FMN2: variants seen among roughly 807,000 people sequenced by gnomAD.
FMN2 encodes the protein formin 2, also known as formin-2.
Under a neutral mutation model 142.3 loss-of-function variants are expected in FMN2, and 51 were observed. The ratio of observed to expected loss-of-function variants is 0.36; its 90% CI spans 0.29 to 0.45. The LOEUF is 0.45. Ranked by LOEUF, FMN2 falls within the 20% of genes least tolerant of loss-of-function variation. FMN2 has a pLI of 1.00. For synonymous variants in FMN2, 882 were observed against 869.8 expected (o/e 1.01, Z -0.25); for missense variants, 1,936 against 2,122.8 (o/e 0.91, Z 1.73).
At chr1:240,145,935 G>C (rs1006226903) in intron 2 of FMN2, among the ~76,000 whole-genome samples, 6 of 152,116 alleles carry the variant, frequency 3.9e-5, no homozygotes, top group Non-Finnish European at 8.8e-5. Flanking sequence ...AGACAGGGGT[G>C]CTCAGGAGAC....
chr1:240,351,566 A>G (rs1051590839), intron 13 of FMN2, among the ~76,000 whole-genome samples: 4 of 152,252 alleles, frequency 2.6e-5, no homozygotes, highest in Admixed American at 2.6e-4. Flanking sequence ...TACAGTTCAT[A>G]TGAATGGCCC....
chr1:240,395,406 A>AGCCT lies in FMN2; in HGVS notation c.4910+2844_4910+2845insGCCT, dbSNP rs1673742059. ...ACTTTCAAGTCTTATTAGTTAAGAA[A>AGCCT]TACATTTGGTAAGGCTATAGCTGCC... On this transcript the variant is annotated intron_variant, in intron 15 of 17. Transcript: ENST00000319653. 2.0e-5 allele frequency among the ~76,000 whole-genome samples: 3 copies of AGCCT among 152,182 alleles called. No homozygotes were observed. The South Asian group carries it at 6.2e-4, about 32-fold the overall frequency.
chr1:240,200,894 A>T (rs1170975108), intron 4 of FMN2, among the ~76,000 whole-genome samples: 1 of 152,120 alleles, frequency 6.6e-6, no homozygotes, highest in Non-Finnish European at 1.5e-5. Context: ...TATCATCTTT[A>T]TGAATTTTTT....
intron 15 of FMN2, among the ~76,000 whole-genome samples, chr1:240,397,869 A>C (rs1349851737): frequency 2.0e-5 from 3 of 151,352 alleles, no homozygotes; most frequent in African/African-American, 7.3e-5. Context: ...TTGACCCCAA[A>C]ATGGGCACTA....
At chr1:240,454,262 C>T (rs1676154320) in intron 16 of FMN2, among the ~76,000 whole-genome samples, 1 of 151,788 alleles carries the variant, frequency 6.6e-6, no homozygotes, top group African/African-American at 2.4e-5. Context: ...GGCTTTGGGG[C>T]CAGGAATGGT....
chr1:240,100,627 C>T (rs1661379593), intron 1 of FMN2, among the ~76,000 whole-genome samples: 1 of 152,114 alleles, frequency 6.6e-6, no homozygotes, highest in Admixed American at 6.5e-5. Flanking sequence ...CTTTTGATAC[C>T]TACTGCTCCA....
At chr1:240,164,002 A>G (rs1664382586) in intron 2 of FMN2, among the ~76,000 whole-genome samples, 2 of 152,110 alleles carry the variant, frequency 1.3e-5, no homozygotes, top group African/African-American at 4.8e-5. Context: ...CCTCTCAAGT[A>G]GCTAGGACTA....
chr1:240,369,721 C>A (rs986468974), intron 14 of FMN2, among the ~76,000 whole-genome samples: 13 of 152,276 alleles, frequency 8.5e-5, no homozygotes, highest in Non-Finnish European at 1.5e-4. Context: ...CTACTCGGGT[C>A]CAATTTTTGC....
intron 13 of FMN2, among the ~76,000 whole-genome samples, chr1:240,340,617 A>T (rs974056657): frequency 9.9e-5 from 15 of 152,122 alleles, no homozygotes; most frequent in Non-Finnish European, 2.1e-4. Flanking sequence ...TTTTGGAATG[A>T]TAGTTTCACC....
intron 2 of FMN2, among the ~76,000 whole-genome samples, chr1:240,158,375 G>A (rs1331398628): frequency 6.6e-6 from 1 of 152,070 alleles, no homozygotes; most frequent in Non-Finnish European, 1.5e-5. Flanking sequence ...ACCTCCCTGG[G>A]TGATGTTCAG....
chr1:240,440,138 G>A (rs111367023), intron 16 of FMN2, among the ~76,000 whole-genome samples: 46 of 152,292 alleles, frequency 3.0e-4, no homozygotes, highest in Non-Finnish European at 5.1e-4. Context: ...CATCGCTGTC[G>A]GAGAATGGCT....
At chr1:240,282,466 G>C (rs375093199) in intron 7 of FMN2, among the ~76,000 whole-genome samples, 5 of 152,276 alleles carry the variant, frequency 3.3e-5, no homozygotes, top group African/African-American at 1.2e-4. Flanking sequence ...GGAATAGAAC[G>C]CCACTATTTA....
intron 13 of FMN2, among the ~76,000 whole-genome samples, chr1:240,335,835 T>G (rs1447015286): frequency 2.0e-5 from 3 of 152,060 alleles, no homozygotes; most frequent in Non-Finnish European, 4.4e-5. Context: ...TAACACCAGA[T>G]AGTGGGTTTG....
chr1:240,271,065 AC>A (rs1285666985), intron 7 of FMN2, among the ~76,000 whole-genome samples: 7 of 128,990 alleles, frequency 5.4e-5, no homozygotes, highest in African/African-American at 2.2e-4. Flanking sequence ...TCTGCAAATA[AC>A]CCTTTGACCC....
chr1:240,127,245 G>T (rs898529745), intron 2 of FMN2, among the ~76,000 whole-genome samples: 5 of 149,996 alleles, frequency 3.3e-5, no homozygotes, highest in African/African-American at 1.2e-4. Context: ...GCTAATTTTT[G>T]TATTTTTAAT....
intron 8 of FMN2, among the ~76,000 whole-genome samples, chr1:240,312,128 C>T (rs2102988615): frequency 6.6e-6 from 1 of 152,168 alleles, no homozygotes; most frequent in Non-Finnish European, 1.5e-5. Flanking sequence ...GTTCTCTGAG[C>T]ACTTCTCCTT....
At chr1:240,121,364 T>TGAG (rs1662236673) in intron 1 of FMN2, among the ~76,000 whole-genome samples, 1 of 148,426 alleles carries the variant, frequency 6.7e-6, no homozygotes, top group Non-Finnish European at 1.5e-5. Flanking sequence ...AGCCAGTGTC[T>TGAG]TATTTTTTTT....
intron 16 of FMN2, chr1:240,458,242 C>T (rs1475809105): frequency 2.0e-5 from 3 of 152,158 alleles, no homozygotes; most frequent in African/African-American, 7.2e-5. Flanking sequence ...ACTTTGTTCT[C>T]TCTTAATATG....
Position 240,093,146 on chromosome 1 carries a change from A to ATGAGGAGCG in FMN2, c.1044_1045insCGTGAGGAG (p.Glu348_Gly349insArgGluGlu), listed in dbSNP as rs1335790416. 1 of 1,426,280 alleles carries ATGAGGAGCG rather than the reference A, an allele frequency of 7.0e-7. No individual in the cohort carries two copies. Among genetic ancestry groups the ATGAGGAGCG allele is most frequent in the Non-Finnish European group, 9.1e-7 (1 of 1,097,458 alleles). The allele number at this position is 1,426,280 out of a possible 1,614,324, so 88.4% of individuals were successfully genotyped here. On this transcript the variant is annotated inframe_insertion, in exon 1 of 18. Coordinates refer to ENST00000319653, the MANE Select transcript of FMN2 (RefSeq NM_020066.5). Reference sequence around the variant, plus strand: ...CCCGTGCGAGGGGCTGGGGACACGGATGAGGAGGGTGAGGAGGATGCTTTT... The same window carrying ATGAGGAGCG: ...CCCGTGCGAGGGGCTGGGGACACGGATGAGGAGCGTGAGGAGGGTGAGGAGGATGCTTTT...
Sources: gnomAD v4.1 joint callset for allele counts (sites outside exome capture counted in the v4.1 genomes callset) on GRCh38, gnomAD v4.1.1 for gene constraint, MANE v1.5 for transcripts, NCBI Gene and HGNC (gene_info 2026-07-23, HGNC 2026-07-21) for gene names.